The following SRGAP1 variants were observed in gnomAD, a reference collection of about 807,000 sequenced individuals.
SRGAP1 encodes the protein SLIT-ROBO Rho GTPase-activating protein 1.
A neutral mutation model predicts 121.9 loss-of-function variants in SRGAP1; 43 were observed. The ratio of observed to expected loss-of-function variants is 0.35; its 90% CI spans 0.28 to 0.46. SRGAP1 has a LOEUF of 0.46. Ranked by LOEUF, SRGAP1 falls within the 20% of genes least tolerant of loss-of-function variation. SRGAP1 has a pLI of 1.00. For synonymous variants in SRGAP1, 447 were observed against 485.4 expected (o/e 0.92, Z 1.04); for missense variants, 1,102 against 1,350.9 (o/e 0.82, Z 2.89).
intron 4 of SRGAP1, among the ~76,000 whole-genome samples, chr12:64,027,373 G>C (rs959500834): frequency 6.6e-6 from 1 of 152,076 alleles, no homozygotes; most frequent in African/African-American, 2.4e-5. Flanking sequence ...GGTTCAGGGA[G>C]AGGGCTTTGG....
chr12:64,003,984 A>G (rs531852955), intron 3 of SRGAP1, among the ~76,000 whole-genome samples: 62 of 152,334 alleles, frequency 4.1e-4, no homozygotes, highest in African/African-American at 1.5e-3. Flanking sequence ...TTTTGTGGGG[A>G]ACATTAATTC....
At chr12:64,002,243 A>C (rs951276509) in intron 3 of SRGAP1, among the ~76,000 whole-genome samples, 4 of 152,236 alleles carry the variant, frequency 2.6e-5, no homozygotes, top group Non-Finnish European at 5.9e-5. Flanking sequence ...GTCACCAGAC[A>C]ATCCCAAAAT....
At chr12:63,923,670 C>T (rs2031152009) in intron 1 of SRGAP1, among the ~76,000 whole-genome samples, 1 of 152,128 alleles carries the variant, frequency 6.6e-6, no homozygotes, top group African/African-American at 2.4e-5. Context: ...CTTTAAGTTT[C>T]TTCATTTTAT....
chr12:64,026,724 C>T (rs1398124758), intron 4 of SRGAP1, among the ~76,000 whole-genome samples: 3 of 151,838 alleles, frequency 2.0e-5, no homozygotes, highest in African/African-American at 7.3e-5. Flanking sequence ...AAATTAGCCA[C>T]GCATGGTGAT....
chr12:64,106,373 A>G (rs2036345896), intron 15 of SRGAP1, among the ~76,000 whole-genome samples: 1 of 152,230 alleles, frequency 6.6e-6, no homozygotes, highest in African/African-American at 2.4e-5. Flanking sequence ...CAACAACATT[A>G]CACTTTTTAT....
chr12:64,102,644 G>C (rs571694483), intron 15 of SRGAP1, among the ~76,000 whole-genome samples: 1 of 152,246 alleles, frequency 6.6e-6, no homozygotes, highest in East Asian at 1.9e-4. Flanking sequence ...TGTTCTGGCC[G>C]TTTCATATGA....
At position 63,919,170 on chromosome 12, in the gene SRGAP1, A is replaced by C. The variant is rs866487372; in HGVS notation, c.68-64777A>C. Among the ~76,000 whole-genome samples the C allele has an allele frequency of 3.3e-5, 5 of 152,016 alleles. No homozygotes were observed. The South Asian group carries it at 1.0e-3, about 32-fold the overall frequency. On this transcript the variant is annotated intron_variant, in intron 1 of 21. Transcript: ENST00000355086. ...CGGATTGGAGTGATTCTCCCACCTC[A>C]GTCTCCTGGGACTGGAAGCTGGGAC...
At chr12:63,909,363 T>A (rs568094539) in intron 1 of SRGAP1, among the ~76,000 whole-genome samples, 2 of 152,374 alleles carry the variant, frequency 1.3e-5, no homozygotes, top group African/African-American at 4.8e-5. Context: ...TGCATCCTAC[T>A]TGATCTCTTA....
At chr12:63,946,298 T>C (rs1361793481) in intron 1 of SRGAP1, among the ~76,000 whole-genome samples, 2 of 151,754 alleles carry the variant, frequency 1.3e-5, no homozygotes, top group East Asian at 1.9e-4. Flanking sequence ...TTTTTCTTTT[T>C]TTTTTTTTAC....
intron 1 of SRGAP1, chr12:63,878,840 A>G (rs979429824): frequency 3.3e-5 from 5 of 152,164 alleles, no homozygotes; most frequent in Non-Finnish European, 7.3e-5. Flanking sequence ...ACACAGTGCT[A>G]ATTCTCACCT....
intron 1 of SRGAP1, among the ~76,000 whole-genome samples, chr12:63,870,930 A>G (rs116187549): frequency 1.1e-3 from 162 of 152,068 alleles, no homozygotes; most frequent in African/African-American, 3.8e-3. Context: ...TTCAGCTTCT[A>G]TCTCTTCTCT....
chr12:64,129,976 GT>G (rs2036759092), intron 21 of SRGAP1, among the ~76,000 whole-genome samples: 14 of 116,698 alleles, frequency 1.2e-4, no homozygotes, highest in Non-Finnish European at 1.4e-4. Flanking sequence ...GCAGGTCGTG[GT>G]TGTTGTTGTT....
chr12:63,929,692 C>T (rs1463830619), intron 1 of SRGAP1, among the ~76,000 whole-genome samples: 1 of 151,818 alleles, frequency 6.6e-6, no homozygotes, highest in East Asian at 1.9e-4. Context: ...GTATTTGCTG[C>T]ATTTGTAGTG....
intron 1 of SRGAP1, among the ~76,000 whole-genome samples, chr12:63,915,834 C>T (rs1038238992): frequency 2.0e-5 from 3 of 152,104 alleles, no homozygotes; most frequent in Non-Finnish European, 4.4e-5. Flanking sequence ...CAGCTCAAAA[C>T]GTTTTGAGCA....
chr12:64,038,234 T>C (rs2034940195), intron 4 of SRGAP1, among the ~76,000 whole-genome samples: 1 of 152,234 alleles, frequency 6.6e-6, no homozygotes, highest in Non-Finnish European at 1.5e-5. Context: ...GTGAGCATTA[T>C]ATAATGCTTG....
At chr12:64,033,244 T>A (rs989330213) in intron 4 of SRGAP1, among the ~76,000 whole-genome samples, 1 of 152,142 alleles carries the variant, frequency 6.6e-6, no homozygotes, top group Non-Finnish European at 1.5e-5. Context: ...TCCCAGACAG[T>A]GTCTTTTGTT....
chr12:64,031,333 A>T (rs903592053), intron 4 of SRGAP1, among the ~76,000 whole-genome samples: 9 of 151,724 alleles, frequency 5.9e-5, no homozygotes, highest in African/African-American at 9.7e-5. Context: ...AAAAAAAAAA[A>T]AAATAGCTGC....
intron 12 of SRGAP1, chr12:64,091,937 A>G: frequency 6.5e-7 from 1 of 1,535,092 alleles, no homozygotes; most frequent in Non-Finnish European, 8.7e-7. Context: ...GTATAGTGCT[A>G]GAGGGACGTG....
At chr12:63,883,255 T>C (rs1307959607) in intron 1 of SRGAP1, among the ~76,000 whole-genome samples, 1 of 152,248 alleles carries the variant, frequency 6.6e-6, no homozygotes, top group African/African-American at 2.4e-5. Flanking sequence ...GGACTGTTTA[T>C]ATGTTTCAGT....
Sources: allele counts gnomAD v4.1 joint callset (sites outside exome capture counted in the v4.1 genomes callset), GRCh38; gene constraint gnomAD v4.1.1; transcripts MANE v1.5; gene names NCBI Gene and HGNC (gene_info 2026-07-23, HGNC 2026-07-21).